The following DACH1 variants were observed in gnomAD, a reference collection of about 807,000 sequenced individuals.
DACH1 encodes the protein dachshund homolog 1.
DACH1 carries 12 observed loss-of-function variants against 54.2 expected under a neutral mutation model. The ratio of observed to expected loss-of-function variants is 0.22; its 90% CI spans 0.14 to 0.36. The LOEUF (loss-of-function observed/expected upper bound fraction) is 0.36, where lower values mean the gene tolerates loss of function less well. Ranked by LOEUF, DACH1 falls within the 10% of genes least tolerant of loss-of-function variation. The pLI is 1.00. For missense variants in DACH1, 805 were observed against 929.8 expected (o/e 0.87, Z 1.75); for synonymous variants, 386 against 366.2 (o/e 1.05, Z -0.62).
chr13:71,711,671 G>T (rs1369362563), intron 1 of DACH1, among the ~76,000 whole-genome samples: 2 of 152,032 alleles, frequency 1.3e-5, no homozygotes, highest in Admixed American at 1.3e-4. Flanking sequence ...TCCTTCACAT[G>T]TTAAAAGAAT....
At chr13:71,476,915 TTC>T (rs1294540847) in intron 8 of DACH1, among the ~76,000 whole-genome samples, 10 of 151,352 alleles carry the variant, frequency 6.6e-5, no homozygotes, top group African/African-American at 2.4e-4. Context: ...GAGAAAATGC[TTC>T]TCTTAGTCAT....
At chr13:71,454,129 T>G (rs1349843992) in intron 10 of DACH1, among the ~76,000 whole-genome samples, 2 of 152,192 alleles carry the variant, frequency 1.3e-5, no homozygotes, top group African/African-American at 4.8e-5. Flanking sequence ...ATGTTTGCCC[T>G]GAAATGAAGC....
intron 6 of DACH1, among the ~76,000 whole-genome samples, chr13:71,511,339 A>T (rs1207974739): frequency 6.6e-6 from 1 of 152,028 alleles, no homozygotes; most frequent in Non-Finnish European, 1.5e-5. Context: ...AGGAAGAAGT[A>T]CAAGTGAAAT....
chr13:71,705,537 G>T (rs1174314215), intron 1 of DACH1, among the ~76,000 whole-genome samples: 1 of 152,120 alleles, frequency 6.6e-6, no homozygotes, highest in African/African-American at 2.4e-5. Context: ...CATTAAAAAT[G>T]AATTTATTCA....
At chr13:71,775,545 G>T (rs1886031189) in intron 1 of DACH1, among the ~76,000 whole-genome samples, 3 of 151,906 alleles carry the variant, frequency 2.0e-5, no homozygotes, top group Non-Finnish European at 4.4e-5. Context: ...ATAAACAAAT[G>T]CATATTCACA....
intron 1 of DACH1, among the ~76,000 whole-genome samples, chr13:71,755,158 C>G (rs1885091903): frequency 6.6e-6 from 1 of 152,144 alleles, no homozygotes; most frequent in Admixed American, 6.5e-5. Flanking sequence ...ATCTCCCCAC[C>G]TTTAGTAGCT....
At chr13:71,651,488 C>T (rs889482825) in intron 2 of DACH1, among the ~76,000 whole-genome samples, 5 of 152,032 alleles carry the variant, frequency 3.3e-5, no homozygotes, top group African/African-American at 4.8e-5. Flanking sequence ...TGGCAAAATC[C>T]TGTCTTTACT....
At chr13:71,593,929 T>C (rs1873907048) in intron 3 of DACH1, among the ~76,000 whole-genome samples, 1 of 151,540 alleles carries the variant, frequency 6.6e-6, no homozygotes, top group East Asian at 1.9e-4. Flanking sequence ...ATCTTAAATA[T>C]TTCAATCAAT....
intron 4 of DACH1, among the ~76,000 whole-genome samples, chr13:71,569,602 G>A (rs554204106): frequency 6.6e-6 from 1 of 152,112 alleles, no homozygotes; most frequent in South Asian, 2.1e-4. Flanking sequence ...TCATGTACTG[G>A]CATTGATATG....
At chr13:71,618,541 T>A (rs1410641538) in intron 3 of DACH1, among the ~76,000 whole-genome samples, 1 of 152,028 alleles carries the variant, frequency 6.6e-6, no homozygotes, top group Admixed American at 6.6e-5. Context: ...AAAACCTGCA[T>A]ATTAAATTGA....
chr13:71,471,589 T>A (rs1356327385), intron 10 of DACH1, among the ~76,000 whole-genome samples: 1 of 151,580 alleles, frequency 6.6e-6, no homozygotes, highest in Non-Finnish European at 1.5e-5. Flanking sequence ...TGAAACACCG[T>A]CTCTACTAAA....
At chr13:71,700,973 A>G (rs1882108455) in intron 1 of DACH1, among the ~76,000 whole-genome samples, 1 of 152,164 alleles carries the variant, frequency 6.6e-6, no homozygotes, top group Non-Finnish European at 1.5e-5. Flanking sequence ...CCTTTCCCCA[A>G]TTATAGAATA....
intron 3 of DACH1, among the ~76,000 whole-genome samples, chr13:71,603,862 C>A (rs889979172): frequency 5.3e-5 from 8 of 151,676 alleles, no homozygotes; most frequent in Non-Finnish European, 1.0e-4. Context: ...ATGAACATTA[C>A]AAGTTATTGT....
At chr13:71,743,276 T>C (rs1419638223) in intron 1 of DACH1, among the ~76,000 whole-genome samples, 7 of 152,018 alleles carry the variant, frequency 4.6e-5, no homozygotes, top group Non-Finnish European at 2.9e-5. Flanking sequence ...TCTAGATATG[T>C]GGAACAGAGT....
In DACH1 at chr13:71,610,210, G is replaced by C. The variant is rs183490894; in HGVS notation, c.1126+20346C>G. ...TTCTATGAACCACTAAATAGAACTA[G>C]AATATAATATCTATCTGATCTGATA... On this transcript the variant is annotated intron_variant, in intron 3 of 10. Transcript: ENST00000613252. Among the ~76,000 whole-genome samples the C allele has an allele frequency of 1.7e-4, 26 of 152,208 alleles. No homozygotes were observed. The East Asian group carries it at 1.9e-3, about 11-fold the overall frequency.
At chr13:71,645,921 G>A (rs1260323195) in intron 2 of DACH1, among the ~76,000 whole-genome samples, 1 of 152,162 alleles carries the variant, frequency 6.6e-6, no homozygotes, top group African/African-American at 2.4e-5. Flanking sequence ...TCTGAAACTT[G>A]AGAAATTTCA....
At chr13:71,509,243 G>A (rs1310755625) in intron 6 of DACH1, among the ~76,000 whole-genome samples, 1 of 151,922 alleles carries the variant, frequency 6.6e-6, no homozygotes, top group East Asian at 1.9e-4. Context: ...TACAACCTCT[G>A]TCTCTACTAA....
intron 3 of DACH1, among the ~76,000 whole-genome samples, chr13:71,613,993 G>A (rs1875556826): frequency 6.6e-6 from 1 of 152,114 alleles, no homozygotes; most frequent in Non-Finnish European, 1.5e-5. Flanking sequence ...CAGCATCTGA[G>A]TTTGTTTGTT....
At chr13:71,704,992 G>T (rs542640054) in intron 1 of DACH1, among the ~76,000 whole-genome samples, 2 of 151,894 alleles carry the variant, frequency 1.3e-5, no homozygotes, top group Admixed American at 1.3e-4. Context: ...AAATAAATTC[G>T]GTAATTTCTC....
Sources: gnomAD v4.1 joint callset for allele counts (sites outside exome capture counted in the v4.1 genomes callset) on GRCh38, gnomAD v4.1.1 for gene constraint, MANE v1.5 for transcripts, NCBI Gene and HGNC (gene_info 2026-07-23, HGNC 2026-07-21) for gene names.